CSMD1: variants seen among roughly 807,000 people sequenced by gnomAD.
CSMD1 encodes the protein CUB and sushi domain-containing protein 1.
CSMD1 carries 213 observed loss-of-function variants against 417.5 expected under a neutral mutation model. The observed-to-expected ratio is 0.51, with a 90% CI of 0.46 to 0.57. CSMD1 has a LOEUF of 0.57. Among genes scored for constraint, CSMD1 ranks in the 20% least tolerant of loss-of-function variants. The pLI is 0.00. For missense variants in CSMD1, 6,923 were observed against 4,529.7 expected (o/e 1.53, Z -15.17); for synonymous variants, 2,862 against 1,736.8 (o/e 1.65, Z -16.11).
At chr8:3,766,158 T>C (rs189866847) in intron 5 of CSMD1, among the ~76,000 whole-genome samples, 1 of 152,300 alleles carries the variant, frequency 6.6e-6, no homozygotes, top group Admixed American at 6.5e-5. Context: ...TGTGGGTGTG[T>C]ACTTTGGGCC....
chr8:4,064,554 A>T (rs915901128), intron 3 of CSMD1, among the ~76,000 whole-genome samples: 2 of 152,192 alleles, frequency 1.3e-5, no homozygotes, highest in African/African-American at 4.8e-5. Flanking sequence ...CATCGATGTC[A>T]ACACACAGCT....
At chr8:3,099,462 T>G (rs959769648) in intron 46 of CSMD1, among the ~76,000 whole-genome samples, 1 of 152,158 alleles carries the variant, frequency 6.6e-6, no homozygotes, top group Non-Finnish European at 1.5e-5. Flanking sequence ...TATTCATCCT[T>G]CTCTAGGCTG....
At chr8:3,545,769 A>C (rs944756939) in intron 10 of CSMD1, among the ~76,000 whole-genome samples, 1 of 152,228 alleles carries the variant, frequency 6.6e-6, no homozygotes, top group Non-Finnish European at 1.5e-5. Context: ...AAATACAGAT[A>C]AGCTTTTGTT....
At chr8:3,229,581 T>C (rs2116902423) in intron 27 of CSMD1, among the ~76,000 whole-genome samples, 1 of 152,284 alleles carries the variant, frequency 6.6e-6, no homozygotes, top group South Asian at 2.1e-4. Flanking sequence ...ACACAAACAG[T>C]ATAATTTCTA....
At chr8:3,266,370 C>G (rs948846355) in intron 26 of CSMD1, among the ~76,000 whole-genome samples, 2 of 151,790 alleles carry the variant, frequency 1.3e-5, no homozygotes, top group African/African-American at 4.8e-5. Flanking sequence ...CTGTGGGAGG[C>G]TGAGGCGGGT....
At chr8:4,454,419 T>C (rs1460920766) in intron 2 of CSMD1, among the ~76,000 whole-genome samples, 1 of 152,194 alleles carries the variant, frequency 6.6e-6, no homozygotes, top group East Asian at 1.9e-4. Context: ...GAGATCTTCT[T>C]TGGATACCCT....
chr8:4,268,809 T>C (rs968890767), intron 3 of CSMD1, among the ~76,000 whole-genome samples: 1 of 151,960 alleles, frequency 6.6e-6, no homozygotes, highest in African/African-American at 2.4e-5. Context: ...CATTATAAAA[T>C]GGTTAATAGC....
intron 10 of CSMD1, among the ~76,000 whole-genome samples, chr8:3,562,410 A>T (rs780660960): frequency 7.7e-6 from 1 of 129,998 alleles, no homozygotes; most frequent in Admixed American, 8.4e-5. Context: ...ATACACACAC[A>T]TGCACAAACA....
chr8:4,206,324 C>G (rs4554485), intron 3 of CSMD1, among the ~76,000 whole-genome samples: 27,231 of 151,992 alleles, frequency 0.18, 2,512 homozygotes, highest in South Asian at 0.27. Context: ...AGGTATATCT[C>G]CTGATGCTAT....
At chr8:3,589,521 C>A (rs1251134560) in intron 8 of CSMD1, among the ~76,000 whole-genome samples, 1 of 151,948 alleles carries the variant, frequency 6.6e-6, no homozygotes, top group Non-Finnish European at 1.5e-5. Flanking sequence ...TAAAATGAAC[C>A]AGGCACAGAA....
At chr8:3,441,728 G>C (rs956038261) in intron 12 of CSMD1, among the ~76,000 whole-genome samples, 2 of 152,140 alleles carry the variant, frequency 1.3e-5, no homozygotes, top group Non-Finnish European at 2.9e-5. Context: ...AAGCGGAGCA[G>C]TGCAACTGTA....
intron 3 of CSMD1, among the ~76,000 whole-genome samples, chr8:4,410,386 A>G (rs1796584433): frequency 6.6e-6 from 1 of 152,196 alleles, no homozygotes; most frequent in Non-Finnish European, 1.5e-5. Context: ...TCATGTGCTT[A>G]TCCACATGTA....
intron 10 of CSMD1, among the ~76,000 whole-genome samples, chr8:3,539,913 G>A (rs902914470): frequency 3.5e-4 from 54 of 152,258 alleles, no homozygotes; most frequent in African/African-American, 1.2e-3. Flanking sequence ...AGACACAATT[G>A]CTTCATGGAT....
At position 3,227,746 on chromosome 8, in the gene CSMD1, G is replaced by A. The variant is rs543590955; in HGVS notation, c.4345+2294C>T. On this transcript the variant is annotated intron_variant, in intron 27 of 69. Coordinates refer to ENST00000635120, the MANE Select transcript of CSMD1 (RefSeq NM_033225.6). Reference sequence around the variant, plus strand: ...TGCAATTTACGAAACAGTCAAGCAGGATGTTGTCATTTTAAAACTTTTTTC... The same window carrying A: ...TGCAATTTACGAAACAGTCAAGCAGAATGTTGTCATTTTAAAACTTTTTTC... Among the ~76,000 whole-genome samples the A allele has an allele frequency of 7.9e-5, 12 of 151,634 alleles. 1 individual carries two copies. The highest frequency in any genetic ancestry group is 7.2e-4 in the Admixed American group (11 of 15,224).
intron 15 of CSMD1, among the ~76,000 whole-genome samples, chr8:3,401,957 CTTTT>C (rs142931460): frequency 6.8e-6 from 1 of 147,282 alleles, no homozygotes; most frequent in African/African-American, 2.5e-5. Context: ...TTCTTCTTTG[CTTTT>C]TTTTTTTGAT....
intron 3 of CSMD1, among the ~76,000 whole-genome samples, chr8:4,191,254 G>C (rs937241029): frequency 1.1e-4 from 17 of 151,948 alleles, no homozygotes; most frequent in Non-Finnish European, 2.2e-4. Context: ...AAATTAGCAG[G>C]GCATGGTGGC....
chr8:4,992,000 C>G (rs1042092283), intron 1 of CSMD1, among the ~76,000 whole-genome samples: 3 of 152,182 alleles, frequency 2.0e-5, no homozygotes, highest in African/African-American at 4.8e-5. Context: ...CACACACTTG[C>G]GCACAGCACC....
chr8:3,513,572 C>G (rs984702181), intron 10 of CSMD1, among the ~76,000 whole-genome samples: 4 of 152,134 alleles, frequency 2.6e-5, no homozygotes, highest in Admixed American at 6.5e-5. Context: ...TTGGGAGAAT[C>G]CTGATTAATA....
chr8:3,667,052 T>C (rs1220905331), intron 7 of CSMD1, among the ~76,000 whole-genome samples: 1 of 152,162 alleles, frequency 6.6e-6, no homozygotes, highest in African/African-American at 2.4e-5. Context: ...GATCCTTTCA[T>C]TCCTTCATTC....
Sources: allele counts gnomAD v4.1 joint callset (sites outside exome capture counted in the v4.1 genomes callset), GRCh38; gene constraint gnomAD v4.1.1; transcripts MANE v1.5; gene names NCBI Gene and HGNC (gene_info 2026-07-23, HGNC 2026-07-21).